The following GNA14 variants were observed in gnomAD, a reference collection of about 807,000 sequenced individuals.
The protein encoded by GNA14 is G protein subunit alpha 14.
A neutral mutation model predicts 42.0 loss-of-function variants in GNA14; 50 were observed. The observed-to-expected ratio is 1.19, with a 90% CI of 0.95 to 1.51. GNA14 has a LOEUF of 1.51. GNA14 is among the 40% of genes most tolerant of loss of function. GNA14 has a pLI of 0.00. For missense variants in GNA14, 473 were observed against 446.2 expected (o/e 1.06, Z -0.54); for synonymous variants, 173 against 163.1 (o/e 1.06, Z -0.46).
At chr9:77,546,060 T>G (rs1320205024) in intron 1 of GNA14, among the ~76,000 whole-genome samples, 2 of 151,656 alleles carry the variant, frequency 1.3e-5, no homozygotes, top group Non-Finnish European at 2.9e-5. Context: ...TAACTAAATA[T>G]ACAAAAAATA....
In GNA14 at chr9:77,603,956, C is replaced by CAAAAAAAAAAAAAAAAAAA. The variant is rs67044542; in HGVS notation, c.124+43695_124+43713dup. Reference sequence around the variant, plus strand: ...AAGACTCCATCTCAAAAAAAAAAAACAAAAAAAAAAAAAAAAAAAAAAAAA... The same window carrying CAAAAAAAAAAAAAAAAAAA: ...AAGACTCCATCTCAAAAAAAAAAAACAAAAAAAAAAAAAAAAAAAAAAAAAAAAAAAAAAAAAAAAAAAA... On this transcript the variant is annotated intron_variant, in intron 1 of 6. Transcript: ENST00000341700. Among the ~76,000 whole-genome samples, 181 of 81,592 alleles carry CAAAAAAAAAAAAAAAAAAA rather than the reference C, an allele frequency of 2.2e-3. 2 individuals carry two copies. Among genetic ancestry groups the CAAAAAAAAAAAAAAAAAAA allele is most frequent in the East Asian group, 2.7e-3 (7 of 2,546 alleles). The allele number at this position is 81,592 out of a possible 152,430, so 53.5% of individuals were successfully genotyped here. A position where few individuals can be genotyped will look rare whatever the true frequency, so the allele number is the denominator to read the frequency against.
chr9:77,635,270 A>G (rs1036887560), intron 1 of GNA14: 11 of 152,148 alleles, frequency 7.2e-5, no homozygotes, highest in Admixed American at 7.2e-4. Flanking sequence ...TCTTCTGTGT[A>G]TCACTCCAAT....
At chr9:77,558,414 T>A (rs1293299039) in intron 1 of GNA14, among the ~76,000 whole-genome samples, 1 of 152,166 alleles carries the variant, frequency 6.6e-6, no homozygotes, top group Non-Finnish European at 1.5e-5. Context: ...TTTTGAAGAT[T>A]TTTCATAATA....
chr9:77,563,688 T>C (rs1822919892), intron 1 of GNA14, among the ~76,000 whole-genome samples: 1 of 152,174 alleles, frequency 6.6e-6, no homozygotes, highest in Non-Finnish European at 1.5e-5. Context: ...GATTTTTTTT[T>C]CCTTTCAGTT....
chr9:77,554,436 T>G (rs1481082953), intron 1 of GNA14, among the ~76,000 whole-genome samples: 1 of 152,208 alleles, frequency 6.6e-6, no homozygotes, highest in Non-Finnish European at 1.5e-5. Context: ...CCTAAGAATT[T>G]TTGTTAAAAG....
intron 1 of GNA14, among the ~76,000 whole-genome samples, chr9:77,538,607 G>C (rs1462434574): frequency 6.6e-6 from 1 of 152,072 alleles, no homozygotes; most frequent in Non-Finnish European, 1.5e-5. Context: ...ATTTATTTCA[G>C]TAGCATTTTG....
intron 1 of GNA14, among the ~76,000 whole-genome samples, chr9:77,554,329 CG>C (rs1168853976): frequency 1.3e-5 from 2 of 152,142 alleles, no homozygotes; most frequent in Non-Finnish European, 2.9e-5. Flanking sequence ...GGGTGGTAGG[CG>C]AACAGTGTTT....
At chr9:77,537,078 T>C (rs1837607350) in intron 1 of GNA14, among the ~76,000 whole-genome samples, 1 of 152,214 alleles carries the variant, frequency 6.6e-6, no homozygotes, top group Non-Finnish European at 1.5e-5. Context: ...TCTGTGTCAG[T>C]AACATTTCAA....
intron 1 of GNA14, among the ~76,000 whole-genome samples, chr9:77,628,999 G>A (rs141080573): frequency 6.6e-6 from 1 of 151,732 alleles, no homozygotes; most frequent in Admixed American, 6.6e-5. Flanking sequence ...TCTGACAAAG[G>A]GTTCATATCC....
chr9:77,646,679 A>G (rs1176594342), intron 1 of GNA14, among the ~76,000 whole-genome samples: 1 of 152,236 alleles, frequency 6.6e-6, no homozygotes, highest in Non-Finnish European at 1.5e-5. Context: ...AAAGAAAAAA[A>G]GTTGAAATCT....
rs563270863 is a variant in GNA14 at position 77,640,863 on chromosome 9, A to G, written c.124+6807T>C. On this transcript the variant is annotated intron_variant, in intron 1 of 6. Transcript: ENST00000341700. Reference sequence around the variant, plus strand: ...GGGGCATGTTATGCCAGAAAACAATAAAATGCTCAAAAAAAAAAAAAAAAA... The same window carrying G: ...GGGGCATGTTATGCCAGAAAACAATGAAATGCTCAAAAAAAAAAAAAAAAA... Among the ~76,000 whole-genome samples the G allele has an allele frequency of 8.2e-4, 118 of 143,530 alleles. 1 individual carries two copies. The highest frequency in any genetic ancestry group is 3.1e-3 in the African/African-American group (115 of 37,580). The allele number at this position is 143,530 out of a possible 152,430, so 94.2% of individuals were successfully genotyped here. A position where few individuals can be genotyped will look rare whatever the true frequency, so the allele number is the denominator to read the frequency against.
intron 2 of GNA14, chr9:77,456,257 T>C (rs916171307): frequency 1.3e-5 from 2 of 152,144 alleles, no homozygotes; most frequent in African/African-American, 4.8e-5. Context: ...CTGTTAACCA[T>C]CACACCCTAT....
intron 2 of GNA14, among the ~76,000 whole-genome samples, chr9:77,485,787 G>T (rs188361095): frequency 5.5e-4 from 83 of 152,216 alleles, no homozygotes; most frequent in African/African-American, 2.0e-3. Context: ...GTAATATTTT[G>T]AAAGGAATCT....
intron 1 of GNA14, among the ~76,000 whole-genome samples, chr9:77,540,432 GA>G (rs1233472368): frequency 1.3e-5 from 2 of 152,116 alleles, no homozygotes; most frequent in African/African-American, 4.8e-5. Context: ...CTGATAAGAA[GA>G]ATGTATATTC....
intron 1 of GNA14, among the ~76,000 whole-genome samples, chr9:77,550,692 C>G (rs995255562): frequency 2.0e-5 from 3 of 152,214 alleles, no homozygotes; most frequent in Non-Finnish European, 2.9e-5. Context: ...CTCACTTTAT[C>G]TATTCTATAA....
intron 2 of GNA14, among the ~76,000 whole-genome samples, chr9:77,502,377 A>T (rs552098558): frequency 6.6e-6 from 1 of 152,166 alleles, no homozygotes; most frequent in South Asian, 2.1e-4. Flanking sequence ...TATGAGACTG[A>T]ATCTTATTCT....
rs540218934 is a variant in GNA14, at chr9:77,468,671, C to T, written c.310-34149G>A. The stretch of plus-strand genomic sequence containing the variant: ...ATGTGAGAAGTCTGTCACTTCCAAG[C>T]AGCATCATTTAATTGCTGCTGCGTG... On this transcript the variant is annotated intron_variant, in intron 2 of 6. Transcript: ENST00000341700. Among the ~76,000 whole-genome samples the T allele has an allele frequency of 1.4e-3, 220 of 152,320 alleles. 1 individual carries two copies. Among genetic ancestry groups the T allele is most frequent in the African/African-American group, 4.9e-3 (203 of 41,576 alleles).
chr9:77,611,414 T>C (rs1005051908), intron 1 of GNA14, among the ~76,000 whole-genome samples: 1 of 152,192 alleles, frequency 6.6e-6, no homozygotes, highest in Non-Finnish European at 1.5e-5. Flanking sequence ...CTAAATCTTT[T>C]ATAGTGGGCA....
At chr9:77,580,089 T>C (rs1823193832) in intron 1 of GNA14, among the ~76,000 whole-genome samples, 1 of 152,198 alleles carries the variant, frequency 6.6e-6, no homozygotes, top group African/African-American at 2.4e-5. Context: ...TGACTGTATG[T>C]CCTGGTTTGT....
Sources: allele counts gnomAD v4.1 joint callset (sites outside exome capture counted in the v4.1 genomes callset), GRCh38; gene constraint gnomAD v4.1.1; transcripts MANE v1.5; gene names NCBI Gene and HGNC (gene_info 2026-07-23, HGNC 2026-07-21).